The following KIF21A variants were observed in gnomAD, a reference collection of about 807,000 sequenced individuals.
The protein encoded by KIF21A is kinesin family member 21A, also known as kinesin-like protein KIF21A.
In KIF21A, 114 loss-of-function variants were observed where a neutral mutation model predicts 202.9. The observed-to-expected ratio is 0.56, with a 90% CI of 0.48 to 0.66. KIF21A has a LOEUF of 0.66. Among genes scored for constraint, KIF21A ranks in the 30% least tolerant of loss-of-function variants. KIF21A has a pLI of 0.00. For synonymous variants in KIF21A, 667 were observed against 670.8 expected (o/e 0.99, Z 0.09); for missense variants, 1,677 against 1,994.9 (o/e 0.84, Z 3.04).
At chr12:39,413,411 C>T (rs540579378) in intron 1 of KIF21A, among the ~76,000 whole-genome samples, 4 of 152,292 alleles carry the variant, frequency 2.6e-5, no homozygotes, top group Non-Finnish European at 4.4e-5. Flanking sequence ...TAATCCTTTG[C>T]GTTCCTTGAC....
At chr12:39,301,868 CCTCA>C (rs1255920023) in intron 36 of KIF21A, among the ~76,000 whole-genome samples, 189 bp from the exon 37 acceptor site, 1 of 152,182 alleles carries the variant, frequency 6.6e-6, no homozygotes, top group African/African-American at 2.4e-5. Context: ...TCCCAACTTG[CCTCA>C]CTAATTTTCA....
At chr12:39,367,424 A>G (rs1277972831) in intron 4 of KIF21A, among the ~76,000 whole-genome samples, 2 of 152,188 alleles carry the variant, frequency 1.3e-5, no homozygotes, top group Admixed American at 6.5e-5. Flanking sequence ...CAAAACTGTT[A>G]TAGTAGAACA....
At chr12:39,409,667 T>C (rs1952920973) in intron 1 of KIF21A, among the ~76,000 whole-genome samples, 1 of 152,058 alleles carries the variant, frequency 6.6e-6, no homozygotes, top group African/African-American at 2.4e-5. Flanking sequence ...AGCCTGTGAA[T>C]ATGTTAATTT....
At chr12:39,332,454 T>G (rs1040278554) in intron 20 of KIF21A, 46 bp from the exon 21 acceptor site, 7 of 1,591,678 alleles carry the variant, frequency 4.4e-6, no homozygotes, top group East Asian at 4.5e-5. Flanking sequence ...GTTCACTTAT[T>G]TATATACAGT....
chr12:39,377,702 A>T (rs1950352688), intron 1 of KIF21A, among the ~76,000 whole-genome samples: 1 of 152,214 alleles, frequency 6.6e-6, no homozygotes, highest in South Asian at 2.1e-4. Flanking sequence ...GACATTCAAG[A>T]AAGAAACACA....
chr12:39,327,238 T>C (rs1043165819), intron 24 of KIF21A, among the ~76,000 whole-genome samples: 1 of 152,328 alleles, frequency 6.6e-6, no homozygotes, highest in African/African-American at 2.4e-5. Context: ...GCACCATTAG[T>C]CAATTGATTC....
intron 1 of KIF21A, among the ~76,000 whole-genome samples, chr12:39,433,768 T>C (rs1249522025): frequency 6.6e-6 from 1 of 152,174 alleles, no homozygotes; most frequent in Middle Eastern, 3.2e-3. Flanking sequence ...AGGATGAATT[T>C]GATAGAGTAG....
At chr12:39,428,996 A>G (rs558221616) in intron 1 of KIF21A, among the ~76,000 whole-genome samples, 1 of 151,998 alleles carries the variant, frequency 6.6e-6, no homozygotes, top group African/African-American at 2.4e-5. Flanking sequence ...GACATGACAC[A>G]TGGAAATGAG....
intron 1 of KIF21A, among the ~76,000 whole-genome samples, chr12:39,394,079 T>C (rs1016392490): frequency 6.6e-6 from 1 of 152,220 alleles, no homozygotes; most frequent in African/African-American, 2.4e-5. Context: ...GGAAATCCAT[T>C]AGTCCTCCTC....
At chr12:39,401,838 T>C (rs745646959) in intron 1 of KIF21A, among the ~76,000 whole-genome samples, 18 of 152,194 alleles carry the variant, frequency 1.2e-4, no homozygotes, top group Non-Finnish European at 1.9e-4. Context: ...CTATATGTAA[T>C]ATTTTTTAAA....
chr12:39,318,306 ACTC>A, intron 28 of KIF21A, 105 bp from the exon 29 acceptor site: 1 of 1,042,694 alleles, frequency 9.6e-7, no homozygotes. Context: ...TTATTAGAGA[ACTC>A]CTTCTTTCCT....
chr12:39,434,419 C>T (rs1050755938), intron 1 of KIF21A, among the ~76,000 whole-genome samples: 7 of 152,210 alleles, frequency 4.6e-5, no homozygotes, highest in African/African-American at 1.7e-4. Flanking sequence ...CGGAGGGACA[C>T]ATTCAAACCA....
intron 1 of KIF21A, among the ~76,000 whole-genome samples, chr12:39,436,014 C>T (rs1012121005): frequency 4.6e-5 from 7 of 151,992 alleles, no homozygotes; most frequent in Non-Finnish European, 8.8e-5. Flanking sequence ...TCTACCCCTG[C>T]GGTTCCTCTC....
At chr12:39,372,521 T>G (rs1950028024) in intron 1 of KIF21A, among the ~76,000 whole-genome samples, 1 of 152,186 alleles carries the variant, frequency 6.6e-6, no homozygotes, top group Non-Finnish European at 1.5e-5. Context: ...AACTATAATT[T>G]CCAAGATTGC....
chr12:39,379,245 T>A (rs980819597), intron 1 of KIF21A, among the ~76,000 whole-genome samples: 5 of 151,572 alleles, frequency 3.3e-5, no homozygotes, highest in Non-Finnish European at 5.9e-5. Context: ...TGAGAATTGC[T>A]TGAACATAGG....
intron 1 of KIF21A, among the ~76,000 whole-genome samples, chr12:39,418,708 G>A (rs1953990403): frequency 6.6e-6 from 1 of 152,152 alleles, no homozygotes. Flanking sequence ...ATAAGAGAAA[G>A]TTGCTAAATG....
chr12:39,329,462 A>T (rs1054254582), intron 24 of KIF21A, among the ~76,000 whole-genome samples: 1 of 152,160 alleles, frequency 6.6e-6, no homozygotes, highest in Non-Finnish European at 1.5e-5. Context: ...AAGAAGGAGG[A>T]GAAAGATGAA....
chr12:39,308,517 C>T (rs1416800831), intron 33 of KIF21A, among the ~76,000 whole-genome samples: 1 of 152,170 alleles, frequency 6.6e-6, no homozygotes. Flanking sequence ...TAAGAATTGC[C>T]TTTCTGGATT....
intron 8 of KIF21A, among the ~76,000 whole-genome samples, chr12:39,357,859 A>G (rs995648072): frequency 8.4e-5 from 11 of 131,700 alleles, no homozygotes; most frequent in African/African-American, 3.1e-4. Context: ...CAGTGAGCCG[A>G]GATCACGCCA....
Sources: allele counts gnomAD v4.1 joint callset (sites outside exome capture counted in the v4.1 genomes callset), GRCh38; gene constraint gnomAD v4.1.1; transcripts MANE v1.5; gene names NCBI Gene and HGNC (gene_info 2026-07-23, HGNC 2026-07-21).